LRRC20: variants seen among roughly 807,000 people sequenced by gnomAD.
LRRC20 encodes leucine-rich repeat-containing protein 20.
Under a neutral mutation model 14.4 loss-of-function variants are expected in LRRC20, and 11 were observed. The observed-to-expected ratio is 0.77, with a 90% CI of 0.48 to 1.27. The LOEUF is 1.27. Ranked by LOEUF, LRRC20 falls within the 50% of genes most tolerant of loss-of-function variation. LRRC20 has a pLI of 0.00. For missense variants in LRRC20, 219 were observed against 251.2 expected (o/e 0.87, Z 0.87); for synonymous variants, 121 against 107.3 (o/e 1.13, Z -0.79).
chr10:70,378,932 G>A (rs1210193211), intron 1 of LRRC20, among the ~76,000 whole-genome samples: 1 of 152,106 alleles, frequency 6.6e-6, no homozygotes. Context: ...GGTGACAAGA[G>A]CAAAGCTCTG....
intron 2 of LRRC20, among the ~76,000 whole-genome samples, chr10:70,369,044 C>T (rs925080630): frequency 6.6e-6 from 1 of 152,210 alleles, no homozygotes; most frequent in Admixed American, 6.5e-5. Context: ...TGAAAGCAGT[C>T]CATGGGGGCT....
Position 70,304,693 on chromosome 10 carries a change from T to C in LRRC20, c.401-3185A>G, listed in dbSNP as rs540987543. ...GCAAAACTGAAACTCTATACCCATT[T>C]AAACAAAAACTCCCCATCCCTCCCT... On this transcript the variant is annotated intron_variant, in intron 4 of 4. Transcript: ENST00000446961. Among the ~76,000 whole-genome samples the C allele has an allele frequency of 5.9e-5, 9 of 151,968 alleles. No homozygotes were observed. The East Asian group carries it at 1.2e-3, about 20-fold the overall frequency.
At chr10:70,330,016 T>C (rs902981616) in intron 3 of LRRC20, among the ~76,000 whole-genome samples, 1 of 152,254 alleles carries the variant, frequency 6.6e-6, no homozygotes, top group African/African-American at 2.4e-5. Flanking sequence ...CTGAGAATCT[T>C]TCCATCTGTG....
chr10:70,333,138 A>C (rs1037127498), intron 3 of LRRC20, among the ~76,000 whole-genome samples: 1 of 152,180 alleles, frequency 6.6e-6, no homozygotes, highest in Non-Finnish European at 1.5e-5. Context: ...AAGTGAAGGG[A>C]AACTGCAGTC....
chr10:70,371,525 C>T (rs182428086), intron 2 of LRRC20, among the ~76,000 whole-genome samples: 7 of 152,078 alleles, frequency 4.6e-5, no homozygotes, highest in African/African-American at 1.4e-4. Flanking sequence ...GCCTAAGACC[C>T]GGAGAGGAGC....
At chr10:70,381,286 A>G (rs1316119791) in intron 1 of LRRC20, among the ~76,000 whole-genome samples, 2 of 152,266 alleles carry the variant, frequency 1.3e-5, no homozygotes, top group African/African-American at 4.8e-5. Flanking sequence ...AGGCATTACC[A>G]GTAGGTAATC....
chr10:70,362,641 C>T (rs1257296451), intron 2 of LRRC20, among the ~76,000 whole-genome samples: 3 of 152,228 alleles, frequency 2.0e-5, no homozygotes, highest in Non-Finnish European at 2.9e-5. Context: ...CTTCACTTGG[C>T]GTGAGCCCTG....
intron 4 of LRRC20, among the ~76,000 whole-genome samples, chr10:70,304,470 TTATATATA>T (rs57284629): frequency 0.094 from 10,733 of 113,752 alleles, 883 homozygotes; most frequent in South Asian, 0.18. Flanking sequence ...GGCCACTTCT[TTATATATA>T]TATATATATA....
intron 2 of LRRC20, among the ~76,000 whole-genome samples, chr10:70,354,610 G>A (rs537547697): frequency 6.6e-6 from 1 of 152,314 alleles, no homozygotes; most frequent in Admixed American, 6.5e-5. Flanking sequence ...TCCTCCTGAT[G>A]TAGCTGCTTC....
rs71472958 is a variant in LRRC20 at position 70,361,048 on chromosome 10, T to TAA, written c.82+15402_82+15403dup. Among the ~76,000 whole-genome samples the TAA allele has an allele frequency of 4.0e-3, 492 of 122,806 alleles. 4 individuals carry two copies. Among genetic ancestry groups the TAA allele is most frequent in the African/African-American group, 0.013 (432 of 32,180 alleles). 80.6% of individuals were successfully genotyped at this position (122,806 alleles called of 152,430 possible). ...GGAAGACAGAGTGAGACCCCATCTCTAAAAAAAAAAAAAAAAGAGAGAGAG... is the reference window on the plus strand; with the variant it reads ...GGAAGACAGAGTGAGACCCCATCTCTAAAAAAAAAAAAAAAAAAGAGAGAGAG... On this transcript the variant is annotated intron_variant, in intron 2 of 4. Coordinates refer to ENST00000446961, the MANE Select transcript of LRRC20 (RefSeq NM_001278212.2).
Position 70,300,272 on chromosome 10 carries a change from C to T in LRRC20, c.*1082G>A. On this transcript the variant is annotated 3_prime_UTR_variant, in exon 5 of 5. Coordinates refer to ENST00000446961, the MANE Select transcript of LRRC20 (RefSeq NM_001278212.2). ...GTAGGGGACCAACCATCCCCACTTG[C>T]TGGGTACTGTCCCAGTTTTAGCATT... 4 of 803,002 alleles carry T rather than the reference C, an allele frequency of 5.0e-6. No individual in the cohort carries two copies. Among genetic ancestry groups the T allele is most frequent in the Non-Finnish European group, 6.0e-6 (4 of 663,406 alleles). 49.7% of individuals were successfully genotyped at this position (803,002 alleles called of 1,614,324 possible). A position where few individuals can be genotyped will look rare whatever the true frequency, so the allele number is the denominator to read the frequency against.
intron 2 of LRRC20, among the ~76,000 whole-genome samples, chr10:70,344,471 TAAC>T (rs1324840942): frequency 6.6e-6 from 1 of 152,158 alleles, no homozygotes; most frequent in Non-Finnish European, 1.5e-5. Context: ...ATACTATTCC[TAAC>T]AACAATATAA....
In LRRC20 at chr10:70,337,604, C is replaced by T. The variant is rs202102111; in HGVS notation, c.232+2949G>A. 3.9e-5 allele frequency among the ~76,000 whole-genome samples: 6 copies of T among 152,186 alleles called. No individual in the cohort carries two copies. The East Asian group carries it at 7.7e-4, about 20-fold the overall frequency. On this transcript the variant is annotated intron_variant, in intron 3 of 4. Coordinates refer to ENST00000446961, the MANE Select transcript of LRRC20 (RefSeq NM_001278212.2). ...CCCCATGCCCTCTGGGGAGGGCCTA[C>T]TTACTCATCCCACAAGGCTCTCCCC...
intron 4 of LRRC20, among the ~76,000 whole-genome samples, chr10:70,305,528 C>A (rs1841387330): frequency 6.6e-6 from 1 of 152,188 alleles, no homozygotes; most frequent in African/African-American, 2.4e-5. Flanking sequence ...ATAAATGGAA[C>A]CACATAGCAT....
At chr10:70,371,374 T>C (rs1844260668) in intron 2 of LRRC20, among the ~76,000 whole-genome samples, 2 of 152,034 alleles carry the variant, frequency 1.3e-5, no homozygotes. Context: ...ATGTATTGAG[T>C]ACCTGCTGTG....
chr10:70,367,103 ATG>A (rs1844030412), intron 2 of LRRC20, among the ~76,000 whole-genome samples: 1 of 151,940 alleles, frequency 6.6e-6, no homozygotes, highest in African/African-American at 2.4e-5. Context: ...GGCAGGAGGA[ATG>A]CTTGAGCCCA....
chr10:70,376,557 AGCCCCCAGGCTG>A lies in LRRC20; in HGVS notation c.-36_-25del. On this transcript the variant is annotated 5_prime_UTR_variant, in exon 2 of 5. Transcript: ENST00000446961. Reference sequence around the variant, plus strand: ...ATGCAGACACAGGTGTCCTGCCGCCAGCCCCCAGGCTGGTCTGCTTCTCACAAAAGGGCCTGA... The same window carrying A: ...ATGCAGACACAGGTGTCCTGCCGCCAGTCTGCTTCTCACAAAAGGGCCTGA... 1 of 1,610,298 alleles carries A rather than the reference AGCCCCCAGGCTG, an allele frequency of 6.2e-7. No individual in the cohort carries two copies. The highest frequency in any genetic ancestry group is 8.5e-7 in the Non-Finnish European group (1 of 1,178,742).
chr10:70,333,065 T>C (rs954307239), intron 3 of LRRC20, among the ~76,000 whole-genome samples: 6 of 152,284 alleles, frequency 3.9e-5, no homozygotes, highest in Non-Finnish European at 5.9e-5. Context: ...GAGGCAGGTA[T>C]GGAAACATCT....
rs767266589 is a variant in LRRC20 at position 70,376,470 on chromosome 10, T to A, written c.64A>T (p.Ser22Cys). 6.2e-7 allele frequency: 1 copy of A among 1,614,046 alleles called. No individual in the cohort carries two copies. ...CACTCACCCAGAGTGTCAGAGCCGC[T>A]CTCCACCGTCTCGTTGACCTTCCTT... ...VARKVNETVESGSDTLDLAEC... is the reference protein window; with the variant it reads ...VARKVNETVECGSDTLDLAEC... The change falls in exon 2 of 5, where the codon AGC becomes TGC. Residue 22 changes from serine (S) to cysteine (C), a missense_variant. Physicochemically the swap from Ser to Cys is moderately radical, Grantham distance 112. Transcript: ENST00000446961.
Sources: gnomAD v4.1 joint callset for allele counts (sites outside exome capture counted in the v4.1 genomes callset) on GRCh38, gnomAD v4.1.1 for gene constraint, MANE v1.5 for transcripts, NCBI Gene and HGNC (gene_info 2026-07-23, HGNC 2026-07-21) for gene names.